Variants in ENOPH1 observed in about 807,000 individuals in gnomAD.
ENOPH1 encodes the protein enolase-phosphatase E1.
A neutral mutation model predicts 31.1 loss-of-function variants in ENOPH1; 14 were observed. The observed-to-expected ratio is 0.45, with a 90% confidence interval of 0.30 to 0.70. The LOEUF is 0.70. Among genes scored for constraint, ENOPH1 ranks in the 30% least tolerant of loss-of-function variants. The probability of loss-of-function intolerance (pLI) is 0.09; values close to 1 mark genes in which losing one functional copy is unlikely to be tolerated. For missense variants in ENOPH1, 243 were observed against 321.5 expected (o/e 0.76, Z 1.87); for synonymous variants, 127 against 123.2 (o/e 1.03, Z -0.21).
Position 82,430,877 on chromosome 4 carries a change from T to C in ENOPH1, c.48T>C (p.Asp16=). ...CCGAAGTCACCGTGATCCTGTTAGA[T>C]ATCGAAGGTACCACAACCCCGATTG... ...VPAEVTVILL[D]IEGTTTPIAF... is the part of the protein sequence containing the mutation. The change falls in exon 1 of 6, where the codon GAT becomes GAC. Residue 16 remains aspartate, a synonymous_variant. Transcript: ENST00000273920. The C allele has an allele frequency of 1.2e-6, 2 of 1,614,188 alleles. No homozygotes were observed. Among genetic ancestry groups the C allele is most frequent in the South Asian group, 2.2e-5 (2 of 91,084 alleles).
chr4:82,459,088 T>C (rs1722574429), intron 5 of ENOPH1, among the ~76,000 whole-genome samples: 1 of 152,056 alleles, frequency 6.6e-6, no homozygotes, highest in Non-Finnish European at 1.5e-5. Flanking sequence ...ACGGGATTTA[T>C]ATATATATAT....
intron 2 of ENOPH1, among the ~76,000 whole-genome samples, chr4:82,448,261 GT>G (rs967114000): frequency 3.2e-5 from 4 of 125,664 alleles, no homozygotes; most frequent in African/African-American, 1.2e-4. Flanking sequence ...GTTTTGTTTT[GT>G]TTTTTTTGTT....
intron 3 of ENOPH1, among the ~76,000 whole-genome samples, chr4:82,452,747 T>C (rs1722382113): frequency 1.3e-5 from 2 of 149,814 alleles, no homozygotes; most frequent in African/African-American, 2.5e-5. Context: ...CCACCACACC[T>C]GGCTAATTTT....
chr4:82,435,911 G>T (rs895177551), intron 1 of ENOPH1, among the ~76,000 whole-genome samples: 5 of 152,188 alleles, frequency 3.3e-5, no homozygotes, highest in African/African-American at 1.2e-4. Context: ...GTTTATAAAG[G>T]TGGTGATGAA....
rs1218097650 is a variant in ENOPH1 at position 82,460,163 on chromosome 4, C to T, written c.*43C>T. The T allele has an allele frequency of 6.2e-7, 1 of 1,607,156 alleles. No individual in the cohort carries two copies. Among genetic ancestry groups the T allele is most frequent in the African/African-American group, 1.3e-5 (1 of 74,820 alleles). On this transcript the variant is annotated 3_prime_UTR_variant, in exon 6 of 6. Transcript: ENST00000273920. Reference sequence around the variant, plus strand: ...AGACCGCCCTGTTCCCCAGAGTTGTCCCTGTAGTGTCTAGGTTTATTCTAA... The same window carrying T: ...AGACCGCCCTGTTCCCCAGAGTTGTTCCTGTAGTGTCTAGGTTTATTCTAA...
intron 5 of ENOPH1, among the ~76,000 whole-genome samples, chr4:82,458,947 C>T (rs1722570768): frequency 6.6e-6 from 1 of 152,110 alleles, no homozygotes. Context: ...AACAGCTCAG[C>T]CCCAGTGTGT....
rs1306668498 is a variant in ENOPH1 at position 82,454,717 on chromosome 4, T to G, written c.390-5T>G. ...TGTATTTTAACTTAGTGGTCTTCCC[T>G]CTAGGTTCTTTGCAGATGTAGTTCC... is the stretch of plus-strand genomic sequence containing the variant. On this transcript the variant is annotated splice_polypyrimidine_tract_variant and splice_region_variant and intron_variant, in intron 3 of 5. Transcript: ENST00000273920. 5.0e-6 allele frequency: 8 copies of G among 1,612,004 alleles called. No individual in the cohort carries two copies. In the African/African-American group the frequency reaches 9.4e-5, roughly 19 times the overall value.
intron 1 of ENOPH1, among the ~76,000 whole-genome samples, chr4:82,434,419 A>G (rs542456950): frequency 6.6e-6 from 1 of 152,274 alleles, no homozygotes; most frequent in East Asian, 1.9e-4. Context: ...GCCAGTCTCT[A>G]CTAAAAATAC....
chr4:82,435,385 T>C (rs1467100258), intron 1 of ENOPH1, among the ~76,000 whole-genome samples: 1 of 152,254 alleles, frequency 6.6e-6, no homozygotes, highest in African/African-American at 2.4e-5. Context: ...ATTATAGGCA[T>C]GTGCCACCAT....
At position 82,447,969 on chromosome 4, in the gene ENOPH1, C is replaced by T; in HGVS notation, c.134C>T (p.Thr45Ile). ...GAAAATGTTAAAGAGTATCTGCAGA[C>T]ACATTGGGAAGAAGAGGAGTGCCAG... Reference protein sequence around the residue: ...IEENVKEYLQTHWEEEECQQD... With the variant: ...IEENVKEYLQIHWEEEECQQD... Residue 45 changes from threonine to isoleucine, a missense_variant, in exon 2 of 6, where the codon ACA becomes ATA. Physicochemically the swap from Thr to Ile is moderately conservative, Grantham distance 89 (BLOSUM62 -1). Coordinates refer to ENST00000273920, the MANE Select transcript of ENOPH1 (RefSeq NM_021204.5). The T allele has an allele frequency of 6.2e-7, 1 of 1,613,292 alleles. No individual in the cohort carries two copies. Among genetic ancestry groups the T allele is most frequent in the African/African-American group, 1.3e-5 (1 of 75,018 alleles).
At chr4:82,432,140 TC>T (rs919816027) in intron 1 of ENOPH1, among the ~76,000 whole-genome samples, 52 of 152,292 alleles carry the variant, frequency 3.4e-4, no homozygotes, top group African/African-American at 1.2e-3. Flanking sequence ...AGTCTGGAAT[TC>T]TTGGCCTCCC....
intron 1 of ENOPH1, among the ~76,000 whole-genome samples, chr4:82,442,860 T>C (rs142494918): frequency 5.2e-4 from 79 of 152,342 alleles, no homozygotes; most frequent in Non-Finnish European, 9.7e-4. Flanking sequence ...AGTCCTGCTC[T>C]ATCGCCCAGG....
intron 1 of ENOPH1, among the ~76,000 whole-genome samples, chr4:82,443,346 GAGGATCACCTGAGCCC>G (rs1722090574): frequency 6.6e-6 from 1 of 151,916 alleles, no homozygotes; most frequent in African/African-American, 2.4e-5. Flanking sequence ...GCTGAGGTGG[GAGGATCACCTGAGCCC>G]AGGAGACGAA....
At chr4:82,454,963 T>C in intron 4 of ENOPH1, 109 bp downstream of exon 4, 1 of 1,056,210 alleles carries the variant, frequency 9.5e-7, no homozygotes, top group Non-Finnish European at 1.4e-6. Context: ...TTTTTGGTTG[T>C]TTAAAATTAG....
intron 1 of ENOPH1, among the ~76,000 whole-genome samples, chr4:82,438,632 G>C (rs1721966727): frequency 6.6e-6 from 1 of 152,320 alleles, no homozygotes; most frequent in Admixed American, 6.5e-5. Flanking sequence ...CATGCAGCCT[G>C]GGTGACAGAG....
chr4:82,454,133 G>C (rs779784956), intron 3 of ENOPH1, among the ~76,000 whole-genome samples: 1 of 151,594 alleles, frequency 6.6e-6, no homozygotes, highest in Admixed American at 6.6e-5. Context: ...AGGATCACTC[G>C]AGCCCAGGAG....
intron 1 of ENOPH1, 49 bp from the exon 2 acceptor site, chr4:82,447,871 A>G: frequency 1.7e-6 from 2 of 1,171,376 alleles, no homozygotes; most frequent in Non-Finnish European, 1.2e-6. Context: ...TGGATCTTTT[A>G]CAACTGATAA....
chr4:82,443,782 T>A (rs1219957847), intron 1 of ENOPH1, among the ~76,000 whole-genome samples: 1 of 152,148 alleles, frequency 6.6e-6, no homozygotes, highest in Non-Finnish European at 1.5e-5. Flanking sequence ...TTTAATTTGT[T>A]TTCTAAAAAA....
At position 82,447,968 on chromosome 4, in the gene ENOPH1, A is replaced by C. The variant is rs990288277; in HGVS notation, c.133A>C (p.Thr45Pro). ...AGAAAATGTTAAAGAGTATCTGCAG[A>C]CACATTGGGAAGAAGAGGAGTGCCA... Reference protein sequence around the residue: ...IEENVKEYLQTHWEEEECQQD... With the variant: ...IEENVKEYLQPHWEEEECQQD... The change falls in exon 2 of 6, where the codon ACA becomes CCA. Residue 45 changes from threonine (T) to proline (P), a missense_variant. Physicochemically the swap from Thr to Pro is conservative, Grantham distance 38. Coordinates refer to ENST00000273920, the MANE Select transcript of ENOPH1 (RefSeq NM_021204.5). 1 of 1,613,340 alleles carries C rather than the reference A, an allele frequency of 6.2e-7. No individual in the cohort carries two copies. The highest frequency in any genetic ancestry group is 1.3e-5 in the African/African-American group (1 of 74,904).
Sources: gnomAD v4.1 joint callset for allele counts (sites outside exome capture counted in the v4.1 genomes callset) on GRCh38, gnomAD v4.1.1 for gene constraint, MANE v1.5 for transcripts, NCBI Gene and HGNC (gene_info 2026-07-23, HGNC 2026-07-21) for gene names.